The following ACTR3B variants were observed in gnomAD, a reference collection of about 807,000 sequenced individuals.
ACTR3B encodes actin related protein 3B.
ACTR3B carries 8 observed loss-of-function variants against 59.0 expected under a neutral mutation model. That is an observed-to-expected ratio of 0.14 (90% CI 0.08 to 0.24). The LOEUF is 0.24. ACTR3B is among the 10% of genes least tolerant of loss of function. ACTR3B has a pLI of 1.00. For missense variants in ACTR3B, 245 were observed against 552.3 expected (o/e 0.44, Z 5.58); for synonymous variants, 148 against 197.9 (o/e 0.75, Z 2.12).
intron 9 of ACTR3B, among the ~76,000 whole-genome samples, chr7:152,840,826 G>A (rs1361218559): frequency 1.1e-4 from 2 of 17,802 alleles, no homozygotes; most frequent in South Asian, 1.2e-3. Flanking sequence ...GGTGCAGGAC[G>A]GCTTAGGGCC....
At chr7:152,827,789 G>A (rs1242305215) in intron 9 of ACTR3B, among the ~76,000 whole-genome samples, 1 of 152,222 alleles carries the variant, frequency 6.6e-6, no homozygotes, top group Non-Finnish European at 1.5e-5. Flanking sequence ...CGAAGAAAGG[G>A]ACTTCTTTCC....
At chr7:152,778,943 C>CA (rs59789390) in intron 1 of ACTR3B, among the ~76,000 whole-genome samples, 5 of 36,826 alleles carry the variant, frequency 1.4e-4, no homozygotes, top group African/African-American at 2.5e-4. Context: ...ACTGTGTCTC[C>CA]AAAAAAAAAA....
At chr7:152,827,583 G>T (rs1440315582) in intron 9 of ACTR3B, among the ~76,000 whole-genome samples, 1 of 151,454 alleles carries the variant, frequency 6.6e-6, no homozygotes, top group Non-Finnish European at 1.5e-5. Flanking sequence ...GGTGTGGTCG[G>T]CAGTAGGCTC....
At chr7:152,779,216 A>G (rs914273096) in intron 1 of ACTR3B, among the ~76,000 whole-genome samples, 6 of 152,068 alleles carry the variant, frequency 3.9e-5, no homozygotes, top group South Asian at 2.1e-4. Flanking sequence ...TGTTAAGAAC[A>G]CAGATGCCCA....
intron 1 of ACTR3B, among the ~76,000 whole-genome samples, chr7:152,775,317 G>A (rs536202980): frequency 6.6e-6 from 1 of 151,900 alleles, no homozygotes; most frequent in Non-Finnish European, 1.5e-5. Context: ...GGTTGGAAGA[G>A]CAGTTTCAAT....
chr7:152,786,398 C>G (rs2098173998), intron 2 of ACTR3B: 1 of 233,088 alleles, frequency 4.3e-6, no homozygotes, highest in Non-Finnish European at 8.9e-6. Context: ...ACTAAAAATA[C>G]AAAAATTAAC....
At chr7:152,787,864 T>G (rs2098179812) in intron 2 of ACTR3B, among the ~76,000 whole-genome samples, 1 of 151,990 alleles carries the variant, frequency 6.6e-6, no homozygotes, top group South Asian at 2.1e-4. Flanking sequence ...CTCTTTAGTG[T>G]TCATTTTAGA....
At chr7:152,792,676 A>C (rs1483996794) in intron 2 of ACTR3B, among the ~76,000 whole-genome samples, 3 of 152,032 alleles carry the variant, frequency 2.0e-5, no homozygotes, top group African/African-American at 7.3e-5. Context: ...TGAACCTGGG[A>C]GGTGGAGGTT....
At chr7:152,822,671 G>T (rs1253105899) in intron 7 of ACTR3B, among the ~76,000 whole-genome samples, 2 of 152,216 alleles carry the variant, frequency 1.3e-5, no homozygotes, top group African/African-American at 2.4e-5. Flanking sequence ...AGGGATCTGT[G>T]TGTTTCGCTA....
At chr7:152,835,952 G>A (rs963361996) in intron 9 of ACTR3B, among the ~76,000 whole-genome samples, 2 of 149,708 alleles carry the variant, frequency 1.3e-5, no homozygotes, top group Admixed American at 6.7e-5. Flanking sequence ...CCTGGTGAAC[G>A]AGAGGCACGG....
At chr7:152,785,333 G>A (rs2098167827) in intron 2 of ACTR3B, among the ~76,000 whole-genome samples, 1 of 126,714 alleles carries the variant, frequency 7.9e-6, no homozygotes, top group Admixed American at 8.4e-5. Context: ...TGTCAAAGAG[G>A]TGGGAGTAAA....
At chr7:152,852,497 C>G (rs1323722378) in intron 10 of ACTR3B, among the ~76,000 whole-genome samples, 1 of 152,184 alleles carries the variant, frequency 6.6e-6, no homozygotes, top group Non-Finnish European at 1.5e-5. Flanking sequence ...CCTGGCCATG[C>G]CTGCCAGCAG....
chr7:152,806,516 T>C (rs1232228190), intron 4 of ACTR3B, among the ~76,000 whole-genome samples: 3 of 152,252 alleles, frequency 2.0e-5, no homozygotes, highest in Non-Finnish European at 2.9e-5. Flanking sequence ...AGTGCTGATA[T>C]GGCAGCTCTC....
intron 9 of ACTR3B, among the ~76,000 whole-genome samples, chr7:152,826,843 G>A (rs1590383010): frequency 6.7e-6 from 1 of 149,828 alleles, no homozygotes; most frequent in African/African-American, 2.5e-5. Context: ...GAGCCCCAGA[G>A]TTGGGAAAAG....
At chr7:152,762,301 C>T (rs542393151) in intron 1 of ACTR3B, among the ~76,000 whole-genome samples, 10 of 152,312 alleles carry the variant, frequency 6.6e-5, no homozygotes, top group African/African-American at 2.4e-4. Context: ...TATTTCACAA[C>T]TCCGGTCTCA....
At chr7:152,818,233 A>G (rs1223346451) in intron 6 of ACTR3B, among the ~76,000 whole-genome samples, 1 of 152,038 alleles carries the variant, frequency 6.6e-6, no homozygotes, top group East Asian at 1.9e-4. Context: ...GATTTAGGAA[A>G]AGGAAAGAAA....
At chr7:152,778,104 A>G (rs932417760) in intron 1 of ACTR3B, among the ~76,000 whole-genome samples, 3 of 151,952 alleles carry the variant, frequency 2.0e-5, no homozygotes, top group Admixed American at 1.3e-4. Context: ...TCTGGCTTCA[A>G]TAAGGATTCT....
intron 9 of ACTR3B, among the ~76,000 whole-genome samples, chr7:152,842,253 A>G (rs1330327445): frequency 1.3e-5 from 2 of 152,198 alleles, no homozygotes; most frequent in African/African-American, 4.8e-5. Flanking sequence ...ACAGTAAGAG[A>G]CTAGCAGCAA....
chr7:152,765,711 G>C (rs2098107703), intron 1 of ACTR3B, among the ~76,000 whole-genome samples: 1 of 152,004 alleles, frequency 6.6e-6, no homozygotes, highest in South Asian at 2.1e-4. Context: ...GGAGTGGGTG[G>C]AAGTGTGGAG....
Sources: gnomAD v4.1 joint callset for allele counts (sites outside exome capture counted in the v4.1 genomes callset) on GRCh38, gnomAD v4.1.1 for gene constraint, MANE v1.5 for transcripts, NCBI Gene and HGNC (gene_info 2026-07-23, HGNC 2026-07-21) for gene names.